NRBF2: variants seen among roughly 807,000 people sequenced by gnomAD.
The protein encoded by NRBF2 is nuclear receptor binding factor 2.
In NRBF2, 12 loss-of-function variants were observed where a neutral mutation model predicts 28.5. The observed-to-expected ratio is 0.42, with a 90% CI of 0.27 to 0.68. NRBF2 has a LOEUF of 0.68. Ranked by LOEUF, NRBF2 falls within the 30% of genes least tolerant of loss-of-function variation. The probability of loss-of-function intolerance (pLI) is 0.24; values close to 1 mark genes in which losing one functional copy is unlikely to be tolerated. For missense variants in NRBF2, 274 were observed against 333.5 expected (o/e 0.82, Z 1.39); for synonymous variants, 102 against 116.5 (o/e 0.88, Z 0.80).
In NRBF2 at chr10:63,147,693, G is replaced by T. The variant is rs930096379; in HGVS notation, c.115+1400G>T. Among the ~76,000 whole-genome samples the T allele has an allele frequency of 2.1e-4, 32 of 151,194 alleles. 2 individuals are homozygous for T. In the East Asian group the frequency reaches 2.3e-3, roughly 11 times the overall value. The stretch of plus-strand genomic sequence containing the variant: ...ACATAGGTATACACGTGCCATGGTG[G>T]TTTGCTGCACCCATCAACCTGTTGT... On this transcript the variant is annotated intron_variant, in intron 2 of 3. Coordinates refer to ENST00000277746, the MANE Select transcript of NRBF2 (RefSeq NM_030759.5).
chr10:63,133,361 G>A lies in NRBF2; in HGVS notation c.-110G>A. On this transcript the variant is annotated 5_prime_UTR_variant, in exon 1 of 4. Transcript: ENST00000277746. ...AGCGCCTATCGCTGGCTCTTGGGGCGCAGAGAGGGGCCGCAGTCTCCGCGG... is the reference window on the plus strand; with the variant it reads ...AGCGCCTATCGCTGGCTCTTGGGGCACAGAGAGGGGCCGCAGTCTCCGCGG... The A allele has an allele frequency of 7.8e-7, 1 of 1,282,880 alleles. No individual in the cohort carries two copies. Among genetic ancestry groups the A allele is most frequent in the African/African-American group, 1.5e-5 (1 of 67,102 alleles). The allele number at this position is 1,282,880 out of a possible 1,614,324, so 79.5% of individuals were successfully genotyped here.
At chr10:63,139,102 G>A (rs969084673) in intron 1 of NRBF2, among the ~76,000 whole-genome samples, 2 of 152,050 alleles carry the variant, frequency 1.3e-5, no homozygotes, top group Admixed American at 6.5e-5. Context: ...CTCCGCCTCC[G>A]GGGTTCAAGC....
intron 1 of NRBF2, among the ~76,000 whole-genome samples, chr10:63,140,689 C>T (rs1200858572): frequency 6.6e-6 from 1 of 150,870 alleles, no homozygotes; most frequent in Non-Finnish European, 1.5e-5. Context: ...CATGAACCTC[C>T]GTGCCCAGCC....
chr10:63,133,570 C>A, intron 1 of NRBF2, 70 bp downstream of exon 1: 2 of 1,204,308 alleles, frequency 1.7e-6, no homozygotes, highest in Non-Finnish European at 2.5e-6. Context: ...CCGTCCCCGG[C>A]GCGTCGGCTA....
intron 2 of NRBF2, among the ~76,000 whole-genome samples, chr10:63,148,815 C>T (rs1841602829): frequency 1.3e-5 from 2 of 152,162 alleles, no homozygotes; most frequent in Admixed American, 1.3e-4. Flanking sequence ...ATAAGCACAT[C>T]CCTAAGTGAA....
chr10:63,152,256 G>A, intron 3 of NRBF2, 66 bp downstream of exon 3: 1 of 1,242,052 alleles, frequency 8.1e-7, no homozygotes, highest in South Asian at 1.2e-5. Context: ...CTTGAATTGT[G>A]TGTAAAGCAA....
In NRBF2 at chr10:63,136,990, T is replaced by C. The variant is rs1464578368; in HGVS notation, c.30+3490T>C. On this transcript the variant is annotated intron_variant, in intron 1 of 3. Transcript: ENST00000277746. ...AGAAAAAAATAGCTAGTCTTTGCAC[T>C]CTGAATAACTTTGTTTCATTAGGGT... Among the ~76,000 whole-genome samples the C allele has an allele frequency of 6.6e-5, 10 of 152,260 alleles. No homozygotes were observed. In the East Asian group the frequency reaches 1.5e-3, roughly 23 times the overall value.
At chr10:63,136,478 G>A (rs1389121965) in intron 1 of NRBF2, among the ~76,000 whole-genome samples, 2 of 152,116 alleles carry the variant, frequency 1.3e-5, no homozygotes, top group Non-Finnish European at 2.9e-5. Flanking sequence ...AAATGACGTC[G>A]TAGTGTAGTC....
chr10:63,135,891 C>T (rs6479882), intron 1 of NRBF2, among the ~76,000 whole-genome samples: 3,233 of 152,198 alleles, frequency 0.021, 112 homozygotes, highest in African/African-American at 0.072. Context: ...GTGATCCCCC[C>T]GCCTGGCCTC....
intron 1 of NRBF2, 36 bp from the exon 2 acceptor site, chr10:63,146,173 A>G (rs1212235877): frequency 6.5e-7 from 1 of 1,529,778 alleles, no homozygotes; most frequent in African/African-American, 1.4e-5. Context: ...GTTTTATTTT[A>G]TGATCCAGAG....
rs566967164 is a variant in NRBF2 at position 63,140,948 on chromosome 10, C to T, written c.31-5261C>T. 1.0e-3 allele frequency among the ~76,000 whole-genome samples: 153 copies of T among 152,240 alleles called. 1 individual carries two copies. The highest frequency in any genetic ancestry group is 2.0e-3 in the Non-Finnish European group (134 of 68,020). Reference sequence around the variant, plus strand: ...ACTCCTGACCTCGTGATCTGCCTGCCTCGGCCTCCCAAAGTGCTGGGATTA... The same window carrying T: ...ACTCCTGACCTCGTGATCTGCCTGCTTCGGCCTCCCAAAGTGCTGGGATTA... On this transcript the variant is annotated intron_variant, in intron 1 of 3. Transcript: ENST00000277746.
intron 1 of NRBF2, among the ~76,000 whole-genome samples, chr10:63,134,046 T>C (rs1841336755): frequency 7.3e-6 from 1 of 136,464 alleles, no homozygotes; most frequent in Non-Finnish European, 1.6e-5. Context: ...CTCACATACA[T>C]TCACATGCAT....
At chr10:63,146,075 G>T in intron 1 of NRBF2, 134 bp from the exon 2 acceptor site, 1 of 700,716 alleles carries the variant, frequency 1.4e-6, no homozygotes, top group Non-Finnish European at 2.5e-6. Flanking sequence ...CCCAGCTACA[G>T]ATAGAGCTGT....
chr10:63,142,155 G>GA (rs1205041859), intron 1 of NRBF2, among the ~76,000 whole-genome samples: 2 of 152,058 alleles, frequency 1.3e-5, no homozygotes, highest in Non-Finnish European at 2.9e-5. Flanking sequence ...CACACAGATA[G>GA]AAAAAAGGTG....
In NRBF2 at chr10:63,150,694, T is replaced by C. The variant is rs1388778526; in HGVS notation, c.116-1456T>C. ...CACATTACATTTATTGTACACTTTA[T>C]ATTTTACAATGTAATAATAGAAATA... On this transcript the variant is annotated intron_variant, in intron 2 of 3. Coordinates refer to ENST00000277746, the MANE Select transcript of NRBF2 (RefSeq NM_030759.5). Among the ~76,000 whole-genome samples, 3 of 152,352 alleles carry C rather than the reference T, an allele frequency of 2.0e-5. No individual in the cohort carries two copies. The East Asian group carries it at 5.8e-4, about 29-fold the overall frequency.
At chr10:63,134,021 A>C (rs1841335820) in intron 1 of NRBF2, among the ~76,000 whole-genome samples, 1 of 93,790 alleles carries the variant, frequency 1.1e-5, no homozygotes, top group Non-Finnish European at 2.1e-5. Flanking sequence ...CTCACCCTCC[A>C]CTTCCCCCTC....
intron 2 of NRBF2, among the ~76,000 whole-genome samples, chr10:63,149,423 A>G (rs1318152894): frequency 1.3e-5 from 2 of 152,296 alleles, no homozygotes; most frequent in South Asian, 4.1e-4. Context: ...TTATTGTATC[A>G]TTCGCTTAAT....
At chr10:63,138,752 A>AT (rs1841416663) in intron 1 of NRBF2, among the ~76,000 whole-genome samples, 1 of 152,134 alleles carries the variant, frequency 6.6e-6, no homozygotes, top group Non-Finnish European at 1.5e-5. Flanking sequence ...TCAAAAAAAA[A>AT]AAAAAAGTCT....
intron 1 of NRBF2, among the ~76,000 whole-genome samples, chr10:63,141,782 A>G (rs1170004168): frequency 1.3e-5 from 2 of 152,234 alleles, no homozygotes; most frequent in African/African-American, 4.8e-5. Context: ...GTCGAGCTCT[A>G]TAACGAGTTT....
Sources: allele counts gnomAD v4.1 joint callset (sites outside exome capture counted in the v4.1 genomes callset), GRCh38; gene constraint gnomAD v4.1.1; transcripts MANE v1.5; gene names NCBI Gene and HGNC (gene_info 2026-07-23, HGNC 2026-07-21).